The following CCNH variants were observed in gnomAD, a reference collection of about 807,000 sequenced individuals.
CCNH encodes the protein cyclin-H.
A neutral mutation model predicts 41.9 loss-of-function variants in CCNH; 31 were observed. That is an observed-to-expected ratio of 0.74 (90% CI 0.56 to 1.00). The LOEUF (loss-of-function observed/expected upper bound fraction) is 1.00, where lower values mean the gene tolerates loss of function less well. Among genes scored for constraint, CCNH ranks in the 50% least tolerant of loss-of-function variants. The pLI, the probability that CCNH is intolerant of heterozygous loss-of-function variation, is 0.00. For missense variants in CCNH, 362 were observed against 388.4 expected (o/e 0.93, Z 0.57); for synonymous variants, 138 against 136.1 (o/e 1.01, Z -0.10).
At chr5:87,385,202 G>GT in intron 9 of CCNH, 1 of 821,326 alleles carries the variant, frequency 1.2e-6, no homozygotes, top group Non-Finnish European at 2.1e-6. Context: ...ATGGGTAGTA[G>GT]TTTAACAGTA....
At chr5:87,336,532 TAGG>T (rs1207065866) in intron 9 of CCNH, among the ~76,000 whole-genome samples, 1 of 152,106 alleles carries the variant, frequency 6.6e-6, no homozygotes, top group Non-Finnish European at 1.5e-5. Flanking sequence ...TAGCCTGTTT[TAGG>T]GGGGATAACA....
chr5:87,376,641 G>A (rs1287377990), exon 1 of CCNH: 24 of 1,512,778 alleles, frequency 1.6e-5, no homozygotes, highest in Non-Finnish European at 2.1e-5. Context: ...GATCCATTAA[G>A]GTAAACATAG....
chr5:87,322,919 TGA>T (rs1028484834), intron 9 of CCNH, among the ~76,000 whole-genome samples: 6 of 152,292 alleles, frequency 3.9e-5, no homozygotes, highest in African/African-American at 1.4e-4. Flanking sequence ...AAGAGAAGTG[TGA>T]GAGTGTCTGT....
upstream of CCNH, chr5:87,378,527 C>A: frequency 1.2e-6 from 2 of 1,609,536 alleles, no homozygotes; most frequent in Non-Finnish European, 1.7e-6. Context: ...GGAAAGCAAG[C>A]AGTCTTGTGA....
chr5:87,324,419 T>C (rs918687902), intron 9 of CCNH, among the ~76,000 whole-genome samples: 2 of 152,038 alleles, frequency 1.3e-5, no homozygotes, highest in African/African-American at 2.4e-5. Flanking sequence ...TTCACAATCA[T>C]GGTTGAGTGC....
At chr5:87,387,008 A>G (rs956260918), downstream of CCNH, 2 of 1,076,698 alleles carry the variant, frequency 1.9e-6, no homozygotes, top group African/African-American at 1.6e-5. Flanking sequence ...TCCAAAACTA[A>G]AAAGACAAAA....
downstream of CCNH, among the ~76,000 whole-genome samples, chr5:87,387,934 G>A (rs1762178431): frequency 6.6e-6 from 1 of 152,124 alleles, no homozygotes; most frequent in Non-Finnish European, 1.5e-5. Flanking sequence ...CACAATCTAA[G>A]ATTTCATACT....
intron 9 of CCNH, among the ~76,000 whole-genome samples, chr5:87,338,536 A>ATATATG: frequency 1.2e-5 from 1 of 85,216 alleles, no homozygotes; most frequent in Non-Finnish European, 2.3e-5. Context: ...TATATATAAA[A>ATATATG]TTTTTTTTTT....
At chr5:87,382,638 G>A (rs1374180614) in intron 9 of CCNH, among the ~76,000 whole-genome samples, 1 of 152,166 alleles carries the variant, frequency 6.6e-6, no homozygotes, top group Non-Finnish European at 1.5e-5. Context: ...CAGAATAGGA[G>A]TATCTATGCA....
chr5:87,383,449 A>G (rs1761864213), intron 9 of CCNH, among the ~76,000 whole-genome samples: 1 of 152,168 alleles, frequency 6.6e-6, no homozygotes, highest in Admixed American at 6.6e-5. Context: ...CAGATAAACA[A>G]CATTTTCCCA....
chr5:87,408,364 C>T (rs1763959917), intron 3 of CCNH, among the ~76,000 whole-genome samples, 178 bp from the exon 4 acceptor site: 1 of 152,128 alleles, frequency 6.6e-6, no homozygotes, highest in African/African-American at 2.4e-5. Context: ...TTCCTGTTCA[C>T]ACTTCATTAG....
At chr5:87,327,981 A>G (rs1046053920) in intron 9 of CCNH, among the ~76,000 whole-genome samples, 5 of 152,154 alleles carry the variant, frequency 3.3e-5, no homozygotes, top group South Asian at 2.1e-4. Context: ...AAAAAAAAAA[A>G]AGAGAGAGAA....
chr5:87,346,500 A>T (rs1489604175), intron 9 of CCNH, among the ~76,000 whole-genome samples: 1 of 151,968 alleles, frequency 6.6e-6, no homozygotes, highest in Non-Finnish European at 1.5e-5. Flanking sequence ...GTTGAAATTA[A>T]GTATAATATG....
chr5:87,408,817 G>C (rs1763997221), intron 3 of CCNH, among the ~76,000 whole-genome samples: 1 of 152,274 alleles, frequency 6.6e-6, no homozygotes, highest in African/African-American at 2.4e-5. Context: ...ATGTCATTGA[G>C]AGCAAACTCT....
chr5:87,348,357 C>T (rs1580323623), intron 9 of CCNH, among the ~76,000 whole-genome samples: 1 of 151,876 alleles, frequency 6.6e-6, no homozygotes. Context: ...ACAATCAAGT[C>T]CTGATCTTTT....
intron 9 of CCNH, among the ~76,000 whole-genome samples, chr5:87,331,694 ATTG>A (rs1757612653): frequency 6.6e-6 from 1 of 152,182 alleles, no homozygotes; most frequent in Non-Finnish European, 1.5e-5. Flanking sequence ...TAAAAACAAT[ATTG>A]TTGGGCATTA....
chr5:87,315,230 T>G (rs1401887954), downstream of CCNH, among the ~76,000 whole-genome samples: 1 of 152,224 alleles, frequency 6.6e-6, no homozygotes, highest in Non-Finnish European at 1.5e-5. Flanking sequence ...TTTAAAAAAC[T>G]ATTTCTTACA....
intron 9 of CCNH, among the ~76,000 whole-genome samples, chr5:87,342,983 A>G (rs1479541154): frequency 6.6e-6 from 1 of 152,168 alleles, no homozygotes; most frequent in Non-Finnish European, 1.5e-5. Context: ...TAGCATTGTC[A>G]TTCTTCCATT....
downstream of CCNH, chr5:87,374,125 C>T (rs895882166): frequency 2.3e-5 from 30 of 1,288,596 alleles, no homozygotes; most frequent in Non-Finnish European, 2.8e-5. Context: ...TTCTAGAAAT[C>T]TGGGGTAATA....
Sources: allele counts gnomAD v4.1 joint callset (sites outside exome capture counted in the v4.1 genomes callset), GRCh38; gene constraint gnomAD v4.1.1; transcripts MANE v1.5; gene names NCBI Gene and HGNC (gene_info 2026-07-23, HGNC 2026-07-21).